The following TAF4 variants were observed in gnomAD, a reference collection of about 807,000 sequenced individuals.
TAF4 encodes the protein transcription initiation factor TFIID subunit 4.
TAF4 carries 9 observed loss-of-function variants against 90.3 expected under a neutral mutation model. The observed-to-expected ratio is 0.10, with a 90% CI of 0.06 to 0.17. The LOEUF is 0.17. TAF4 is among the 10% of genes least tolerant of loss of function. The pLI, the probability that TAF4 is intolerant of heterozygous loss-of-function variation, is 1.00. For synonymous variants in TAF4, 818 were observed against 638.9 expected, an observed-to-expected ratio of 1.28 and a Z score of -4.23; for missense variants, 1,351 against 1,370.7, an observed-to-expected ratio of 0.99 and a Z score of 0.23.
intron 1 of TAF4, among the ~76,000 whole-genome samples, chr20:62,044,295 G>T (rs933984343): frequency 5.9e-5 from 9 of 152,140 alleles, no homozygotes; most frequent in African/African-American, 2.2e-4. Context: ...AAGAAAAAAT[G>T]TCAAGGTAAA....
intron 4 of TAF4, among the ~76,000 whole-genome samples, chr20:62,009,756 C>T (rs985496548): frequency 2.6e-5 from 4 of 152,216 alleles, no homozygotes; most frequent in Admixed American, 1.3e-4. Context: ...AAACGGGTGG[C>T]GCTGCTGTTT....
At chr20:62,033,631 G>A (rs1222984176) in intron 1 of TAF4, among the ~76,000 whole-genome samples, 1 of 152,044 alleles carries the variant, frequency 6.6e-6, no homozygotes, top group Non-Finnish European at 1.5e-5. Context: ...CAGCTACTCG[G>A]GAGGCTGAAG....
intron 4 of TAF4, 96 bp downstream of exon 4, chr20:62,009,950 T>C: frequency 1.9e-6 from 3 of 1,579,056 alleles, no homozygotes; most frequent in Non-Finnish European, 2.6e-6. Context: ...GTGAGCGGTC[T>C]GGGACAGAAG....
At chr20:62,000,048 G>C in intron 11 of TAF4, 76 bp downstream of exon 11, 1 of 1,600,112 alleles carries the variant, frequency 6.2e-7, no homozygotes, top group Non-Finnish European at 8.6e-7. Flanking sequence ...GCCTCGGTGT[G>C]GGGAGGAGGC....
chr20:61,984,088 C>T (rs1012894645), intron 14 of TAF4, among the ~76,000 whole-genome samples: 1 of 152,106 alleles, frequency 6.6e-6, no homozygotes, highest in Non-Finnish European at 1.5e-5. Flanking sequence ...GCATGCCTGC[C>T]GCAGAACAGG....
At chr20:61,997,515 T>TC in intron 14 of TAF4, 35 bp downstream of exon 14, 4 of 1,517,328 alleles carry the variant, frequency 2.6e-6, no homozygotes, top group South Asian at 1.3e-5. Context: ...TCCCCATGTT[T>TC]CCCCCAGGAC....
At chr20:62,002,645 C>G (rs556100250) in intron 9 of TAF4, among the ~76,000 whole-genome samples, 28 of 152,354 alleles carry the variant, frequency 1.8e-4, no homozygotes, top group African/African-American at 6.5e-4. Flanking sequence ...CACACACCAC[C>G]AAGCCTGGCT....
At chr20:62,018,290 C>A (rs1162009777) in intron 1 of TAF4, among the ~76,000 whole-genome samples, 1 of 152,230 alleles carries the variant, frequency 6.6e-6, no homozygotes, top group South Asian at 2.1e-4. Context: ...GTGTGATGAT[C>A]TGAGGACACT....
intron 14 of TAF4, among the ~76,000 whole-genome samples, chr20:61,977,243 CCA>C (rs1169854332): frequency 6.8e-6 from 1 of 147,118 alleles, no homozygotes; most frequent in Non-Finnish European, 1.5e-5. Context: ...GGGGCGCGCA[CCA>C]CACACACACG....
chr20:62,056,019 T>C (rs1342926069), intron 1 of TAF4, among the ~76,000 whole-genome samples: 3 of 152,212 alleles, frequency 2.0e-5, no homozygotes, highest in African/African-American at 7.2e-5. Flanking sequence ...GGCGGAGCAC[T>C]TGAGGTCAGG....
intron 1 of TAF4, among the ~76,000 whole-genome samples, chr20:62,030,498 C>A (rs1051349441): frequency 6.6e-6 from 1 of 152,224 alleles, no homozygotes; most frequent in African/African-American, 2.4e-5. Flanking sequence ...GTGCCCATTT[C>A]GGCTTTTTCT....
Position 61,975,982 on chromosome 20 carries a change from C to T in TAF4, c.*186G>A, listed in dbSNP as rs1439401908. On this transcript the variant is annotated 3_prime_UTR_variant, in exon 15 of 15. Coordinates refer to ENST00000252996, the MANE Select transcript of TAF4 (RefSeq NM_003185.4). ...TTTAATTGTCCTTTAAGAGTATCCA[C>T]AGGCCTTTGTGTTCTCTCTGTTACA... 25 of 632,472 alleles carry T rather than the reference C, an allele frequency of 4.0e-5. No individual in the cohort carries two copies. The highest frequency in any genetic ancestry group is 6.5e-5 in the Non-Finnish European group (24 of 370,012). 39.2% of individuals were successfully genotyped at this position (632,472 alleles called of 1,614,324 possible).
At chr20:61,999,403 T>C (rs1331096557) in intron 11 of TAF4, among the ~76,000 whole-genome samples, 1 of 152,248 alleles carries the variant, frequency 6.6e-6, no homozygotes, top group East Asian at 1.9e-4. Flanking sequence ...CCTTTTTTGC[T>C]GCAACACAGA....
intron 11 of TAF4, 48 bp from the exon 12 acceptor site, chr20:61,999,156 CAAGCA>C: frequency 6.2e-7 from 1 of 1,604,564 alleles, no homozygotes; most frequent in Non-Finnish European, 8.5e-7. Flanking sequence ...GAGAGCCCAG[CAAGCA>C]AAGGGGTTGT....
intron 5 of TAF4, among the ~76,000 whole-genome samples, chr20:62,008,486 T>C (rs957111099): frequency 1.4e-4 from 17 of 119,254 alleles, no homozygotes; most frequent in African/African-American, 4.8e-4. Context: ...CCAGGAATCC[T>C]CCCTCCCACC....
chr20:62,059,954 T>G (rs1600866885), intron 1 of TAF4, among the ~76,000 whole-genome samples: 1 of 152,252 alleles, frequency 6.6e-6, no homozygotes, highest in Non-Finnish European at 1.5e-5. Context: ...AAAACTCACA[T>G]TATACAGTAG....
Position 62,065,664 on chromosome 20 carries a change from C to T in TAF4, c.147G>A (p.Glu49=). The T allele has an allele frequency of 4.3e-5, 48 of 1,117,270 alleles. No homozygotes were observed. Among genetic ancestry groups the T allele is most frequent in the Non-Finnish European group, 4.9e-5 (45 of 913,068 alleles). 69.2% of individuals were successfully genotyped at this position (1,117,270 alleles called of 1,614,324 possible). A position where few individuals can be genotyped will look rare whatever the true frequency, so the allele number is the denominator to read the frequency against. Residue 49 remains glutamate, a synonymous_variant, in exon 1 of 15, where the codon GAG becomes GAA. Coordinates refer to ENST00000252996, the MANE Select transcript of TAF4 (RefSeq NM_003185.4). ...GCGCGCCGGCGGCCGCGGCCCGCACCTCGGGCGTGCGCGGCGCGAGGTGGT... is the reference window on the plus strand; with the variant it reads ...GCGCGCCGGCGGCCGCGGCCCGCACTTCGGGCGTGCGCGGCGCGAGGTGGT... ...HHHHLAPRTP[E]VRAAAAGALG...
At chr20:61,977,589 G>T (rs1328467079) in intron 14 of TAF4, among the ~76,000 whole-genome samples, 1 of 152,054 alleles carries the variant, frequency 6.6e-6, no homozygotes. Flanking sequence ...GTGTGTCTCT[G>T]ACCCACTGCA....
chr20:62,014,040 G>GT (rs1283721212), intron 2 of TAF4, among the ~76,000 whole-genome samples: 7 of 134,750 alleles, frequency 5.2e-5, no homozygotes, highest in African/African-American at 1.7e-4. Flanking sequence ...GTGTGTGTGT[G>GT]TGTGTATGTG....
Sources: gnomAD v4.1 joint callset for allele counts (sites outside exome capture counted in the v4.1 genomes callset) on GRCh38, gnomAD v4.1.1 for gene constraint, MANE v1.5 for transcripts, NCBI Gene and HGNC (gene_info 2026-07-23, HGNC 2026-07-21) for gene names.